CELSR1: variants seen among roughly 807,000 people sequenced by gnomAD.
The protein encoded by CELSR1 is adhesion G protein-coupled receptor C1.
A neutral mutation model predicts 249.1 loss-of-function variants in CELSR1; 110 were observed. That is an observed-to-expected ratio of 0.44 (90% confidence interval 0.38 to 0.52). CELSR1 has a LOEUF of 0.52. Among genes scored for constraint, CELSR1 ranks in the 20% least tolerant of loss-of-function variants. The probability of loss-of-function intolerance (pLI) is 0.00; values close to 1 mark genes in which losing one functional copy is unlikely to be tolerated. For synonymous variants in CELSR1, 2,113 were observed against 1,900.0 expected (o/e 1.11, Z -2.92); for missense variants, 4,109 against 4,296.4 (o/e 0.96, Z 1.22).
chr22:46,486,310 A>C (rs1233500529), intron 1 of CELSR1, among the ~76,000 whole-genome samples: 1 of 151,054 alleles, frequency 6.6e-6, no homozygotes, highest in Non-Finnish European at 1.5e-5. Flanking sequence ...GCACTTTGGG[A>C]GGCAAGGAGA....
intron 2 of CELSR1, among the ~76,000 whole-genome samples, chr22:46,463,269 TC>T (rs1429841115): frequency 6.6e-6 from 1 of 152,082 alleles, no homozygotes; most frequent in African/African-American, 2.4e-5. Context: ...TAATCCCTGC[TC>T]TCTGGGAGGC....
At position 46,379,434 on chromosome 22, in the gene CELSR1, C is replaced by G. The variant is rs935535633; in HGVS notation, c.7257-717G>C. Among the ~76,000 whole-genome samples, 9 of 152,344 alleles carry G rather than the reference C, an allele frequency of 5.9e-5. No homozygotes were observed. In the South Asian group the frequency reaches 1.9e-3, roughly 32 times the overall value. On this transcript the variant is annotated intron_variant, in intron 22 of 34. Coordinates refer to ENST00000674500, the MANE Select transcript of CELSR1 (RefSeq NM_001378328.1). The stretch of plus-strand genomic sequence containing the variant: ...ATATGTTTGGCACAAACTTTACAAT[C>G]TGGGAATAATAAGTGCAACATAAAG...
In CELSR1 at chr22:46,428,032, C is replaced by T. The variant is rs1314855816; in HGVS notation, c.4611+5361G>A. Among the ~76,000 whole-genome samples the T allele has an allele frequency of 6.6e-6, 1 of 152,156 alleles. No homozygotes were observed. Among genetic ancestry groups the T allele is most frequent in the Non-Finnish European group, 1.5e-5 (1 of 68,028 alleles). On this transcript the variant is annotated intron_variant, in intron 5 of 34. Transcript: ENST00000674500. The surrounding 1 kb of genome is among the most constrained non-coding windows in gnomAD (Gnocchi z 5.7). ...ACAGACCCAAGAGGTTTTGAATGAC[C>T]TGACAAGCAACAGGTGAGCAATCCC...
At chr22:46,435,123 A>AT (rs991915093) in intron 4 of CELSR1, among the ~76,000 whole-genome samples, 11 of 151,774 alleles carry the variant, frequency 7.2e-5, no homozygotes, top group East Asian at 3.9e-4. Flanking sequence ...TTGTCGATAT[A>AT]TTTTTTTTAA....
intron 2 of CELSR1, chr22:46,462,899 G>A (rs1396013958): frequency 4.3e-6 from 2 of 468,800 alleles, no homozygotes; most frequent in Non-Finnish European, 8.8e-6. Context: ...TCAGAGGCGG[G>A]AGGATGAGTC....
Position 46,391,406 on chromosome 22 carries a change from C to A in CELSR1, c.6149-119G>T. 1.0e-6 allele frequency: 1 copy of A among 959,540 alleles called. No homozygotes were observed. Among genetic ancestry groups the A allele is most frequent in the Admixed American group, 2.5e-5 (1 of 39,248 alleles). The allele number at this position is 959,540 out of a possible 1,614,324, so 59.4% of individuals were successfully genotyped here. On this transcript the variant is annotated intron_variant, in intron 15 of 34. Transcript: ENST00000674500. The surrounding 1 kb of genome is among the most constrained non-coding windows in gnomAD (Gnocchi z 4.3). The stretch of plus-strand genomic sequence containing the variant: ...GGCCCTGCTCCCACCAAGAACCGAA[C>A]CCTAGCATCTCCCCTGCCCCCATCC...
chr22:46,364,803 T>C, intron 32 of CELSR1, 67 bp from the exon 33 acceptor site: 6 of 1,461,768 alleles, frequency 4.1e-6, no homozygotes, highest in Non-Finnish European at 5.6e-6. Flanking sequence ...TTGAGAGCCA[T>C]GGGTCTGGTG....
intron 5 of CELSR1, among the ~76,000 whole-genome samples, chr22:46,416,282 G>A (rs1841301876): frequency 6.6e-6 from 1 of 152,258 alleles, no homozygotes; most frequent in Non-Finnish European, 1.5e-5. Context: ...GGCACAGGAT[G>A]GGCCAAGGCC....
intron 1 of CELSR1, among the ~76,000 whole-genome samples, chr22:46,508,448 C>T (rs1404013195): frequency 6.7e-6 from 1 of 149,504 alleles, no homozygotes; most frequent in Non-Finnish European, 1.5e-5. Context: ...CACCCCCGCC[C>T]CTTGCTGTCC....
chr22:46,533,027 G>A (rs925927664), intron 1 of CELSR1, among the ~76,000 whole-genome samples: 1 of 152,174 alleles, frequency 6.6e-6, no homozygotes, highest in African/African-American at 2.4e-5. Context: ...GCATCCAGGA[G>A]CAGAAGCCAA....
In CELSR1 at chr22:46,490,427, C is replaced by T. The variant is rs8136218; in HGVS notation, c.3545-26082G>A. On this transcript the variant is annotated intron_variant, in intron 1 of 34. Coordinates refer to ENST00000674500, the MANE Select transcript of CELSR1 (RefSeq NM_001378328.1). This position sits in a 1 kb window ranked among gnomAD's most constrained non-coding sequence, Gnocchi z 5.2. ...TCAGCCTCCTGAGTAGCTGGGATCA[C>T]AGGCACCCACCATCTCGTCTGGCTA... Among the ~76,000 whole-genome samples the T allele has an allele frequency of 0.12, 17,698 of 152,104 alleles. 1,364 individuals carry two copies. Among genetic ancestry groups the T allele is most frequent in the Middle Eastern group, 0.2 (58 of 292 alleles).
intron 1 of CELSR1, among the ~76,000 whole-genome samples, chr22:46,515,771 C>T (rs1261872796): frequency 6.6e-6 from 1 of 152,204 alleles, no homozygotes; most frequent in Non-Finnish European, 1.5e-5. Context: ...AGGAAGGCAG[C>T]CCCGGCAGGA....
At chr22:46,386,930 G>C (rs2079040285) in intron 18 of CELSR1, among the ~76,000 whole-genome samples, 1 of 152,038 alleles carries the variant, frequency 6.6e-6, no homozygotes. Flanking sequence ...GCTAATTTTT[G>C]TATTTTTAGT....
At chr22:46,420,318 G>A (rs2079453720) in intron 5 of CELSR1, among the ~76,000 whole-genome samples, 1 of 149,922 alleles carries the variant, frequency 6.7e-6, no homozygotes, top group African/African-American at 2.5e-5. Flanking sequence ...ACTCACGTAT[G>A]CACTCACCCA....
At position 46,472,105 on chromosome 22, in the gene CELSR1, G is replaced by T. The variant is rs1004690965; in HGVS notation, c.3545-7760C>A. On this transcript the variant is annotated intron_variant, in intron 1 of 34. Transcript: ENST00000674500. The surrounding 1 kb of genome is among the most constrained non-coding windows in gnomAD (Gnocchi z 7.0). ...CAAAAGCGATCAAGTGCCATCCCCT[G>T]CTTTCCCGGGAAGGGTGAGTCACCT... 3.3e-5 allele frequency among the ~76,000 whole-genome samples: 5 copies of T among 152,182 alleles called. No homozygotes were observed. The highest frequency in any genetic ancestry group is 5.9e-5 in the Non-Finnish European group (4 of 68,044).
In CELSR1 at chr22:46,430,613, G is replaced by A. The variant is rs1039027130; in HGVS notation, c.4611+2780C>T. Among the ~76,000 whole-genome samples, 3 of 152,228 alleles carry A rather than the reference G, an allele frequency of 2.0e-5. No individual in the cohort carries two copies. The highest frequency in any genetic ancestry group is 4.4e-5 in the Non-Finnish European group (3 of 68,008). ...TGTCGTCTTCCCCAAAACCTTCCCT[G>A]GTGGCCCAAGGTCACCCCCAAGGTG... is the stretch of plus-strand genomic sequence containing the variant. On this transcript the variant is annotated intron_variant, in intron 5 of 34. Transcript: ENST00000674500. This position sits in a 1 kb window ranked among gnomAD's most constrained non-coding sequence, Gnocchi z 4.6.
In CELSR1 at chr22:46,408,958, A is replaced by C. The variant is rs1282957170; in HGVS notation, c.5226+38T>G. On this transcript the variant is annotated intron_variant, in intron 9 of 34. Transcript: ENST00000674500. This position sits in a 1 kb window ranked among gnomAD's most constrained non-coding sequence, Gnocchi z 4.6. ...GCCTGGGTCCCTCCCTCGGGCACCC[A>C]CCTAGCAGGTGCCTTGGTGGCACGG... 6.4e-7 allele frequency: 1 copy of C among 1,551,262 alleles called. No homozygotes were observed. The highest frequency in any genetic ancestry group is 8.7e-7 in the Non-Finnish European group (1 of 1,148,766).
Position 46,399,065 on chromosome 22 carries a change from G to A in CELSR1, c.5413-428C>T, listed in dbSNP as rs984129768. 6.6e-6 allele frequency among the ~76,000 whole-genome samples: 1 copy of A among 152,212 alleles called. No homozygotes were observed. The highest frequency in any genetic ancestry group is 2.4e-5 in the African/African-American group (1 of 41,450). ...TCCAGTCCCAGAAAGGCAGGTGCCT[G>A]GAACACACCTATTTACTCCCAGGTC... On this transcript the variant is annotated intron_variant, in intron 10 of 34. Transcript: ENST00000674500. The surrounding 1 kb of genome is among the most constrained non-coding windows in gnomAD (Gnocchi z 5.0).
intron 9 of CELSR1, 102 bp from the exon 10 acceptor site, chr22:46,400,004 A>C (rs1323131193): frequency 1.7e-5 from 21 of 1,217,808 alleles, no homozygotes; most frequent in Non-Finnish European, 2.1e-5. Context: ...GAGACTGATT[A>C]TGTGGCACCA....
Sources: allele counts gnomAD v4.1 joint callset (sites outside exome capture counted in the v4.1 genomes callset), GRCh38; gene constraint gnomAD v4.1.1; non-coding constraint Gnocchi (gnomAD v3.1); transcripts MANE v1.5; gene names NCBI Gene and HGNC (gene_info 2026-07-23, HGNC 2026-07-21).